The following ADAM12 variants were observed in gnomAD, a reference collection of about 807,000 sequenced individuals.
ADAM12 encodes ADAM metallopeptidase domain 12, also known as disintegrin and metalloproteinase domain-containing protein 12.
In ADAM12, 70 loss-of-function variants were observed where a neutral mutation model predicts 106.4. The ratio of observed to expected loss-of-function variants is 0.66; its 90% CI spans 0.54 to 0.80. The LOEUF (loss-of-function observed/expected upper bound fraction) is 0.80. Among genes scored for constraint, ADAM12 ranks in the 30% least tolerant of loss-of-function variants. The probability of loss-of-function intolerance (pLI) is 0.00; values close to 1 mark genes in which losing one functional copy is unlikely to be tolerated. For missense variants in ADAM12, 1,010 were observed against 1,171.9 expected (o/e 0.86, Z 2.02); for synonymous variants, 420 against 433.5 (o/e 0.97, Z 0.39).
chr10:126,135,538 C>T, intron 5 of ADAM12, 46 bp downstream of exon 5: 1 of 1,566,250 alleles, frequency 6.4e-7, no homozygotes, highest in Non-Finnish European at 8.8e-7. Context: ...AGGTTGCCTG[C>T]AGTAGATGGC....
intron 3 of ADAM12, among the ~76,000 whole-genome samples, chr10:126,207,971 A>T (rs1430186866): frequency 1.3e-5 from 2 of 152,174 alleles, no homozygotes; most frequent in African/African-American, 4.8e-5. Context: ...GATTTCTGTA[A>T]TTTTTTTCTG....
intron 1 of ADAM12, among the ~76,000 whole-genome samples, chr10:126,364,652 T>G (rs1855851189): frequency 6.6e-6 from 1 of 152,098 alleles, no homozygotes; most frequent in Non-Finnish European, 1.5e-5. Flanking sequence ...CACAAAAGGG[T>G]AGTGCTCATA....
chr10:126,208,003 GA>G (rs1195127531), intron 3 of ADAM12, among the ~76,000 whole-genome samples: 5 of 152,112 alleles, frequency 3.3e-5, no homozygotes, highest in Non-Finnish European at 7.4e-5. Context: ...TTTAAATAAA[GA>G]AAGTTATTAT....
intron 1 of ADAM12, among the ~76,000 whole-genome samples, chr10:126,340,747 T>C (rs1854897796): frequency 6.7e-6 from 1 of 149,902 alleles, no homozygotes; most frequent in Non-Finnish European, 1.5e-5. Context: ...AGGTGGAGTC[T>C]CACTCTGTTG....
chr10:126,141,333 C>T (rs1483334232), intron 4 of ADAM12, among the ~76,000 whole-genome samples: 3 of 152,162 alleles, frequency 2.0e-5, no homozygotes, highest in Non-Finnish European at 2.9e-5. Flanking sequence ...AAGACATTGC[C>T]GAACAAGACA....
chr10:126,071,992 GT>G (rs1334263588), intron 11 of ADAM12, among the ~76,000 whole-genome samples: 3 of 152,202 alleles, frequency 2.0e-5, no homozygotes, highest in Non-Finnish European at 4.4e-5. Flanking sequence ...GCTACGAAAA[GT>G]GAATTCGTAG....
At chr10:126,041,215 G>A (rs979677657) in intron 18 of ADAM12, 2 of 458,918 alleles carry the variant, frequency 4.4e-6, no homozygotes, top group Non-Finnish European at 5.7e-6. Flanking sequence ...AGAGTGGCTG[G>A]TGTGTGGCAG....
intron 2 of ADAM12, among the ~76,000 whole-genome samples, chr10:126,282,170 G>A (rs533279951): frequency 6.6e-6 from 1 of 152,236 alleles, no homozygotes; most frequent in South Asian, 2.1e-4. Context: ...TTCTTACTGT[G>A]TCCACAGATG....
At chr10:126,130,415 A>T (rs1956283864) in intron 5 of ADAM12, among the ~76,000 whole-genome samples, 1 of 152,108 alleles carries the variant, frequency 6.6e-6, no homozygotes, top group Admixed American at 6.5e-5. Context: ...TGAGGAGTTC[A>T]TTAGACCCAC....
intron 1 of ADAM12, among the ~76,000 whole-genome samples, chr10:126,385,547 C>T (rs1242063573): frequency 1.3e-5 from 2 of 152,054 alleles, no homozygotes. Context: ...CAAGACAAGG[C>T]AATCATTAAC....
chr10:126,071,542 C>T lies in ADAM12; in HGVS notation c.1258G>A (p.Gly420Arg), dbSNP rs778668035. 2.7e-5 allele frequency: 44 copies of T among 1,614,044 alleles called. No individual in the cohort carries two copies. In the Admixed American group the frequency reaches 3.7e-4, roughly 13 times the overall value. ...AATCTGTTCCCACACTTCTGGCCCC[C>T]GAAAGACTCCCTGACTTCCGGCAGG... Reference protein sequence around the residue: ...FNLPEVRESFGGQKCGNRFVE... With the variant: ...FNLPEVRESFRGQKCGNRFVE... The change falls in exon 12 of 23, where the codon GGG (glycine) becomes AGG (arginine). Residue 420 changes from glycine to arginine, a missense_variant. By Grantham distance (125) the Gly-to-Arg change is moderately radical (BLOSUM62 -2). This residue lies in a region of ADAM12 where 615 missense variants were observed against 708.5 expected (regional missense o/e 0.87). Coordinates refer to ENST00000448723, the MANE Select transcript of ADAM12 (RefSeq NM_001288973.2).
At chr10:126,371,824 A>G (rs570236410) in intron 1 of ADAM12, among the ~76,000 whole-genome samples, 1 of 152,146 alleles carries the variant, frequency 6.6e-6, no homozygotes. Flanking sequence ...TCTCTTTCTC[A>G]AAAAGCCAGT....
intron 11 of ADAM12, among the ~76,000 whole-genome samples, chr10:126,086,069 A>G (rs1955334472): frequency 6.6e-6 from 1 of 152,232 alleles, no homozygotes; most frequent in Non-Finnish European, 1.5e-5. Context: ...CATGCTGTAC[A>G]ACAAATAAAA....
At chr10:126,262,871 C>T (rs1226876671) in intron 3 of ADAM12, among the ~76,000 whole-genome samples, 1 of 152,190 alleles carries the variant, frequency 6.6e-6, no homozygotes, top group Admixed American at 6.5e-5. Flanking sequence ...TGGGGTACTC[C>T]ATGCTGGCTT....
At chr10:126,382,462 T>G (rs1856529640) in intron 1 of ADAM12, among the ~76,000 whole-genome samples, 1 of 152,234 alleles carries the variant, frequency 6.6e-6, no homozygotes. Flanking sequence ...TATCTTCTTT[T>G]CCCCTGCTCA....
Position 126,167,599 on chromosome 10 carries a change from G to A in ADAM12, c.261-12294C>T, listed in dbSNP as rs138760497. 7.2e-4 allele frequency among the ~76,000 whole-genome samples: 109 copies of A among 152,268 alleles called. 1 individual carries two copies. The East Asian group carries it at 0.016, about 23-fold the overall frequency. ...TGTATCAGTTCATACTATTCCATGC[G>A]TAAAGGTGCATGAAATATTCAATAA... On this transcript the variant is annotated intron_variant, in intron 3 of 22. Coordinates refer to ENST00000448723, the MANE Select transcript of ADAM12 (RefSeq NM_001288973.2).
At position 126,043,814 on chromosome 10, in the gene ADAM12, C is replaced by T. The variant is rs1251653255; in HGVS notation, c.1996-666G>A. ...CAGTGGCTGTTCCCTGGCTCCCAGT[C>T]ACGCACCAGGGTGCGAATCCAACAG... On this transcript the variant is annotated intron_variant, in intron 17 of 22. Transcript: ENST00000448723. This position sits in a 1 kb window ranked among gnomAD's most constrained non-coding sequence, Gnocchi z 4.1. Among the ~76,000 whole-genome samples the T allele has an allele frequency of 6.6e-6, 1 of 152,238 alleles. No individual in the cohort carries two copies. The highest frequency in any genetic ancestry group is 1.5e-5 in the Non-Finnish European group (1 of 68,038).
At chr10:126,205,214 T>G (rs1957774003) in intron 3 of ADAM12, among the ~76,000 whole-genome samples, 2 of 152,170 alleles carry the variant, frequency 1.3e-5, no homozygotes, top group South Asian at 4.2e-4. Context: ...AGGCCACACC[T>G]GAAGCAAGTT....
chr10:126,152,845 C>G (rs1172996050), intron 4 of ADAM12, among the ~76,000 whole-genome samples: 2 of 152,156 alleles, frequency 1.3e-5, no homozygotes, highest in Non-Finnish European at 2.9e-5. Flanking sequence ...AGGACACACT[C>G]TTATCAAAAT....
Sources: gnomAD v4.1 joint callset for allele counts (sites outside exome capture counted in the v4.1 genomes callset) on GRCh38, gnomAD v4.1.1 for gene constraint, gnomAD v4.1.1 regional missense constraint, Gnocchi (gnomAD v3.1) non-coding constraint, MANE v1.5 for transcripts, NCBI Gene and HGNC (gene_info 2026-07-23, HGNC 2026-07-21) for gene names.